Variants in TTC28 observed in about 807,000 individuals in gnomAD.
The protein encoded by TTC28 is tetratricopeptide repeat domain 28, also known as tetratricopeptide repeat protein 28.
TTC28 carries 61 observed loss-of-function variants against 198.0 expected under a neutral mutation model. The ratio of observed to expected loss-of-function variants is 0.31; its 90% confidence interval spans 0.25 to 0.38. The LOEUF (loss-of-function observed/expected upper bound fraction) is 0.38, where lower values mean the gene tolerates loss of function less well. Among genes scored for constraint, TTC28 ranks in the 10% least tolerant of loss-of-function variants. TTC28 has a pLI of 1.00. For missense variants in TTC28, 2,678 were observed against 3,164.0 expected, an observed-to-expected ratio of 0.85 and a Z score of 3.69; for synonymous variants, 1,171 against 1,297.8, an observed-to-expected ratio of 0.90 and a Z score of 2.10.
chr22:28,291,692 C>T (rs958029781), intron 5 of TTC28, among the ~76,000 whole-genome samples: 2 of 152,046 alleles, frequency 1.3e-5, no homozygotes, highest in African/African-American at 4.8e-5. Flanking sequence ...CAGCCCACTT[C>T]TAATAATTTA....
At position 27,983,152 on chromosome 22, in the gene TTC28, C is replaced by T; in HGVS notation, c.6515G>A (p.Ser2172Asn). Residue 2172 changes from serine (S) to asparagine (N), a missense_variant, in exon 23 of 23, where the codon AGT (serine) becomes AAT (asparagine). Coordinates refer to ENST00000397906, the MANE Select transcript of TTC28 (RefSeq NM_001145418.2). ...AAGACGCTCCACCGCAATGAGATGA[C>T]TCTGTGTCTCCTCCAGAATTTTCTG... is the stretch of plus-strand genomic sequence containing the variant. Reference protein sequence around the residue: ...LAQKILEETQSHLIAVERLQR... With the variant: ...LAQKILEETQNHLIAVERLQR... The T allele has an allele frequency of 6.4e-7, 1 of 1,551,832 alleles. No individual in the cohort carries two copies. The highest frequency in any genetic ancestry group is 1.4e-5 in the African/African-American group (1 of 73,176).
At chr22:28,363,154 G>A (rs995854390) in intron 2 of TTC28, among the ~76,000 whole-genome samples, 1 of 152,180 alleles carries the variant, frequency 6.6e-6, no homozygotes, top group African/African-American at 2.4e-5. Flanking sequence ...TGAAGGTTTA[G>A]GAGGAAGAAA....
At chr22:28,502,208 T>C (rs2048546406) in intron 2 of TTC28, among the ~76,000 whole-genome samples, 1 of 152,182 alleles carries the variant, frequency 6.6e-6, no homozygotes, top group African/African-American at 2.4e-5. Flanking sequence ...CTGCCTCGTA[T>C]AGCATAATCC....
At chr22:28,630,842 T>G (rs961466043) in intron 1 of TTC28, among the ~76,000 whole-genome samples, 1 of 152,222 alleles carries the variant, frequency 6.6e-6, no homozygotes, top group African/African-American at 2.4e-5. Context: ...AATGAATAAA[T>G]GCAAAAGAGT....
At chr22:28,541,635 C>G (rs1569012601) in intron 2 of TTC28, among the ~76,000 whole-genome samples, 1 of 151,092 alleles carries the variant, frequency 6.6e-6, no homozygotes, top group African/African-American at 2.4e-5. Flanking sequence ...TAAAGATTGC[C>G]AAAATGACTG....
chr22:28,531,223 G>T (rs572791682), intron 2 of TTC28, among the ~76,000 whole-genome samples: 1 of 152,232 alleles, frequency 6.6e-6, no homozygotes, highest in East Asian at 1.9e-4. Context: ...GATCTACCAA[G>T]CAAATGGAAA....
At chr22:28,613,992 G>A (rs2050861352) in intron 2 of TTC28, among the ~76,000 whole-genome samples, 1 of 152,138 alleles carries the variant, frequency 6.6e-6, no homozygotes, top group Non-Finnish European at 1.5e-5. Flanking sequence ...TAGGAAAAGA[G>A]GAAGTCAAAT....
intron 6 of TTC28, among the ~76,000 whole-genome samples, chr22:28,161,073 C>A (rs571515768): frequency 6.6e-6 from 1 of 152,088 alleles, no homozygotes; most frequent in Non-Finnish European, 1.5e-5. Context: ...GGAAAAACCC[C>A]AAATATTTTT....
At chr22:28,339,334 G>A (rs1043644540) in intron 2 of TTC28, among the ~76,000 whole-genome samples, 15 of 152,134 alleles carry the variant, frequency 9.9e-5, no homozygotes, top group African/African-American at 2.7e-4. Context: ...GCTACTCGGC[G>A]GTCAGGGACC....
At position 28,108,366 on chromosome 22, in the gene TTC28, T is replaced by G; in HGVS notation, c.1479A>C (p.Ala493=). 6.8e-7 allele frequency: 1 copy of G among 1,474,314 alleles called. No individual in the cohort carries two copies. Among genetic ancestry groups the G allele is most frequent in the Admixed American group, 2.5e-5 (1 of 40,334 alleles). The allele number at this position is 1,474,314 out of a possible 1,614,324, so 91.3% of individuals were successfully genotyped here. ...ACAGGTGGGTCTTGTGGAGTTTCAG[T>G]GCAGTGTCATAATCACCTTTCATCT... is the stretch of plus-strand genomic sequence containing the variant. ...IHQMKGDYDT[A]LKLHKTHLCI... Residue 493 remains alanine, a synonymous_variant, in exon 7 of 23, where the codon GCA becomes GCC. Coordinates refer to ENST00000397906, the MANE Select transcript of TTC28 (RefSeq NM_001145418.2).
At chr22:28,500,782 C>T (rs1288441374) in intron 2 of TTC28, among the ~76,000 whole-genome samples, 1 of 151,952 alleles carries the variant, frequency 6.6e-6, no homozygotes, top group Non-Finnish European at 1.5e-5. Flanking sequence ...CCTGACAAAC[C>T]GAGTTTCATA....
chr22:28,174,252 G>A (rs1441397381), intron 5 of TTC28, among the ~76,000 whole-genome samples: 1 of 152,178 alleles, frequency 6.6e-6, no homozygotes, highest in African/African-American at 2.4e-5. Context: ...GAGCCTTCAT[G>A]AGTACTAAAT....
At chr22:28,410,162 TC>T (rs1290667172) in intron 2 of TTC28, among the ~76,000 whole-genome samples, 1 of 152,216 alleles carries the variant, frequency 6.6e-6, no homozygotes, top group Non-Finnish European at 1.5e-5. Flanking sequence ...CCTCAAGTGA[TC>T]TGCCCACCTC....
intron 5 of TTC28, among the ~76,000 whole-genome samples, chr22:28,170,280 G>T (rs1922526661): frequency 6.6e-6 from 1 of 151,982 alleles, no homozygotes; most frequent in Non-Finnish European, 1.5e-5. Context: ...GAGGTCAGGA[G>T]GTCGAGACCA....
Position 28,096,259 on chromosome 22 carries a change from T to C in TTC28, c.3697A>G (p.Arg1233Gly), listed in dbSNP as rs1426193215. 1 of 1,551,688 alleles carries C rather than the reference T, an allele frequency of 6.4e-7. No individual in the cohort carries two copies. The highest frequency in any genetic ancestry group is 8.7e-7 in the Non-Finnish European group (1 of 1,146,984). The change falls in exon 11 of 23, where the codon AGG becomes GGG. Residue 1233 changes from arginine (R) to glycine (G), a missense_variant. By Grantham distance (125) the Arg-to-Gly change is moderately radical (BLOSUM62 -2). This residue lies in a region of TTC28 where 727 missense variants were observed against 861.9 expected (regional missense o/e 0.84). Transcript: ENST00000397906. ...AGGGAATAGTAAAGCACTAGTCCCC[T>C]CTGGCCATTTACCATCTCTAAGATC... ...DQILEMVNGQRGLVLYYSLAA... is the reference protein window; with the variant it reads ...DQILEMVNGQGGLVLYYSLAA...
intron 2 of TTC28, among the ~76,000 whole-genome samples, chr22:28,487,500 T>C (rs1263093943): frequency 6.6e-6 from 1 of 152,130 alleles, no homozygotes; most frequent in Non-Finnish European, 1.5e-5. Context: ...TGACTAGATT[T>C]TGTGTATATT....
chr22:28,008,350 G>C (rs532875147), intron 14 of TTC28: 12 of 152,196 alleles, frequency 7.9e-5, no homozygotes, highest in African/African-American at 2.7e-4. Flanking sequence ...TGAAATCCCT[G>C]AGCTCCAGTG....
chr22:28,580,134 C>A (rs2050214766), intron 2 of TTC28, among the ~76,000 whole-genome samples: 2 of 152,032 alleles, frequency 1.3e-5, no homozygotes, highest in South Asian at 4.1e-4. Flanking sequence ...CTCTACCCAA[C>A]CTGAAGGTAG....
intron 5 of TTC28, among the ~76,000 whole-genome samples, chr22:28,205,017 G>A (rs765842843): frequency 4.6e-5 from 7 of 152,038 alleles, no homozygotes; most frequent in African/African-American, 1.2e-4. Flanking sequence ...GGTAAAATAC[G>A]ATCTTAGCAG....
Sources: gnomAD v4.1 joint callset for allele counts (sites outside exome capture counted in the v4.1 genomes callset) on GRCh38, gnomAD v4.1.1 for gene constraint, gnomAD v4.1.1 regional missense constraint, MANE v1.5 for transcripts, NCBI Gene and HGNC (gene_info 2026-07-23, HGNC 2026-07-21) for gene names.